Variants in ZNF814 observed in about 807,000 individuals in gnomAD.
ZNF814 encodes the protein zinc finger protein 814.
Under a neutral mutation model 7.5 loss-of-function variants are expected in ZNF814, and 5 were observed. That is an observed-to-expected ratio of 0.67 (90% CI 0.35 to 1.40). ZNF814 has a LOEUF of 1.40. ZNF814 is among the 40% of genes most tolerant of loss of function. ZNF814 has a pLI of 0.04. For synonymous variants in ZNF814, 315 were observed against 340.7 expected (o/e 0.92, Z 0.83); for missense variants, 962 against 1,018.0 (o/e 0.94, Z 0.75).
chr19:57,877,530 C>T (rs1266041903), intron 1 of ZNF814, among the ~76,000 whole-genome samples: 1 of 152,074 alleles, frequency 6.6e-6, no homozygotes, highest in African/African-American at 2.4e-5. Flanking sequence ...GCAACCTCCA[C>T]CTCCTGGGTT....
chr19:57,892,683 G>A (rs1359074853), upstream of ZNF814, among the ~76,000 whole-genome samples: 2 of 152,204 alleles, frequency 1.3e-5, no homozygotes, highest in Non-Finnish European at 2.9e-5. Context: ...GGGACTGCTG[G>A]AAAAGATCCC....
At chr19:57,889,479 C>A (rs1330583998), upstream of ZNF814, among the ~76,000 whole-genome samples, 1 of 152,168 alleles carries the variant, frequency 6.6e-6, no homozygotes, top group Non-Finnish European at 1.5e-5. Flanking sequence ...GAGGGAGAAT[C>A]GCTTGAGCTC....
At chr19:57,884,004 G>A (rs1241668099) in intron 1 of ZNF814, among the ~76,000 whole-genome samples, 4 of 152,104 alleles carry the variant, frequency 2.6e-5, no homozygotes, top group East Asian at 3.9e-4. Context: ...TGATCTGCCC[G>A]CCTTGGCCTC....
Position 57,883,005 on chromosome 19 carries a change from C to G in ZNF814, c.36+5762G>C, listed in dbSNP as rs1256153687. Among the ~76,000 whole-genome samples the G allele has an allele frequency of 5.9e-5, 9 of 152,266 alleles. No individual in the cohort carries two copies. In the East Asian group the frequency reaches 1.7e-3, roughly 29 times the overall value. The stretch of plus-strand genomic sequence containing the variant: ...AGCTATTTTGAGGAATTTCTCAAGA[C>G]AAACACGGAGAAAGAATTCAGAATT... On this transcript the variant is annotated intron_variant, in intron 1 of 2. Transcript: ENST00000435989.
the ZNF814 span, among the ~76,000 whole-genome samples, chr19:57,898,010 G>C: frequency 0.051 from 7,837 of 152,260 alleles, 284 homozygotes; most frequent in Middle Eastern, 0.075. Context: ...TTGAATGTCT[G>C]ATAAGAGACC....
chr19:57,900,899 G>A, the ZNF814 span, among the ~76,000 whole-genome samples: 1 of 119,586 alleles, frequency 8.4e-6, no homozygotes, highest in Admixed American at 1.1e-4. Context: ...CCAGGCTGGA[G>A]TGCAGTGACC....
Position 57,880,613 on chromosome 19 carries a change from C to CTT in ZNF814, c.37-3573_37-3572dup, listed in dbSNP as rs796462177. On this transcript the variant is annotated intron_variant, in intron 1 of 2. Transcript: ENST00000435989. ...CCTTAACAGAACACCTTTTTTTTTTCTTTTTTTTTTTAAGAGAGAGTCTCG... is the reference window on the plus strand; with the variant it reads ...CCTTAACAGAACACCTTTTTTTTTTCTTTTTTTTTTTTTAAGAGAGAGTCTCG... Among the ~76,000 whole-genome samples the CTT allele has an allele frequency of 1.9e-3, 158 of 84,742 alleles. 10 individuals carry two copies. Among genetic ancestry groups the CTT allele is most frequent in the African/African-American group, 9.9e-3 (139 of 13,990 alleles). 55.6% of individuals were successfully genotyped at this position (84,742 alleles called of 152,430 possible). A position where few individuals can be genotyped will look rare whatever the true frequency, so the allele number is the denominator to read the frequency against.
the ZNF814 span, among the ~76,000 whole-genome samples, chr19:57,905,047 C>CAAAAA: frequency 1.1e-4 from 6 of 53,404 alleles, no homozygotes; most frequent in Admixed American, 2.3e-4. Context: ...AACTCCGTCT[C>CAAAAA]AAAAAAAAAA....
rs2071612302 is a variant in ZNF814, at chr19:57,877,016, A to G, written c.63T>C (p.Ala21=). The change falls in exon 2 of 3, where the codon GCT becomes GCC. Residue 21 remains alanine (A), a synonymous_variant. Coordinates refer to ENST00000435989, the MANE Select transcript of ZNF814 (RefSeq NM_001144989.2). ...TCCATTCCTCCCAGGTAAAGTTCAC[A>G]GCCACATCTTCAAAAGTCACTGTGC... ...AQGTVTFEDV[A]VNFTWEEWNL... The G allele has an allele frequency of 6.2e-7, 1 of 1,614,032 alleles. No individual in the cohort carries two copies. Among genetic ancestry groups the G allele is most frequent in the Non-Finnish European group, 8.5e-7 (1 of 1,180,010 alleles).
chr19:57,883,403 C>T (rs1206859426), intron 1 of ZNF814, among the ~76,000 whole-genome samples: 1 of 150,836 alleles, frequency 6.6e-6, no homozygotes, highest in Admixed American at 6.6e-5. Flanking sequence ...TGGCTCATGC[C>T]TGTAATCCCA....
intron 1 of ZNF814, among the ~76,000 whole-genome samples, chr19:57,886,460 C>A (rs1158971125): frequency 6.6e-6 from 1 of 152,086 alleles, no homozygotes; most frequent in Non-Finnish European, 1.5e-5. Context: ...CCTTTAAAAT[C>A]CAGATTTTGA....
chr19:57,873,552 A>G lies in ZNF814; in HGVS notation c.1838T>C (p.Phe613Ser). The G allele has an allele frequency of 6.2e-7, 1 of 1,614,088 alleles. No homozygotes were observed. Among genetic ancestry groups the G allele is most frequent in the East Asian group, 2.2e-5 (1 of 44,866 alleles). Residue 613 changes from phenylalanine to serine, a missense_variant, in exon 3 of 3, where the codon TTT (phenylalanine) becomes TCT (serine). Coordinates refer to ENST00000435989, the MANE Select transcript of ZNF814 (RefSeq NM_001144989.2). ...PYECGECGKSFSHKRSLVHHQ... is the reference protein window; with the variant it reads ...PYECGECGKSSSHKRSLVHHQ... ...GTGAACAAGGCTGCGCTTATGACTA[A>G]AAGATTTCCCACATTCTCCACACTC...
chr19:57,894,829 G>A, the ZNF814 span, among the ~76,000 whole-genome samples: 5 of 148,072 alleles, frequency 3.4e-5, no homozygotes, highest in South Asian at 4.3e-4. Context: ...GCGAGACTCC[G>A]TCTCAGAAAA....
At chr19:57,883,296 C>A (rs1237874367) in intron 1 of ZNF814, among the ~76,000 whole-genome samples, 1 of 149,826 alleles carries the variant, frequency 6.7e-6, no homozygotes, top group Non-Finnish European at 1.5e-5. Flanking sequence ...GGGGGCAGAG[C>A]CTACAGTGAG....
At chr19:57,880,419 C>G (rs897318550) in intron 1 of ZNF814, among the ~76,000 whole-genome samples, 1 of 150,274 alleles carries the variant, frequency 6.7e-6, no homozygotes, top group African/African-American at 2.5e-5. Context: ...CAAGGCTGAC[C>G]TTCTAAGTGT....
In ZNF814 at chr19:57,872,912, CT is replaced by C. The variant is rs1410367780; in HGVS notation, c.2477del (p.Lys826SerfsTer87). The C allele has an allele frequency of 3.1e-6, 5 of 1,612,746 alleles. No homozygotes were observed. The highest frequency in any genetic ancestry group is 1.3e-5 in the African/African-American group (1 of 74,676). On this transcript the variant is annotated frameshift_variant, in exon 3 of 3. Coordinates refer to ENST00000435989, the MANE Select transcript of ZNF814 (RefSeq NM_001144989.2). LOFTEE classifies it low-confidence loss of function (END_TRUNC). The stretch of plus-strand genomic sequence containing the variant: ...TCCCACATTTCTCACATTTATAAGG[CT>C]TTTCTCCAGTGTGAACTCTCTTGTG... ...TKHKRVHTGE[K>X]PYKCEKCGKL...
rs2071560428 is a variant in ZNF814 at position 57,872,003 on chromosome 19, G to A, written c.*819C>T. On this transcript the variant is annotated 3_prime_UTR_variant, in exon 3 of 3. Coordinates refer to ENST00000435989, the MANE Select transcript of ZNF814 (RefSeq NM_001144989.2). ...GCATGCCTGTGGTTTCAGCTACTCA[G>A]GAGGCCGAGGCAACAGAATCACTTA... Among the ~76,000 whole-genome samples the A allele has an allele frequency of 6.6e-6, 1 of 152,034 alleles. No individual in the cohort carries two copies. The highest frequency in any genetic ancestry group is 2.4e-5 in the African/African-American group (1 of 41,398).
upstream of ZNF814, among the ~76,000 whole-genome samples, chr19:57,893,334 T>C (rs1419555696): frequency 6.6e-6 from 1 of 151,878 alleles, no homozygotes; most frequent in Non-Finnish European, 1.5e-5. Context: ...CCACCATGCC[T>C]AGTTAATTTT....
At chr19:57,889,128 C>A (rs1332874354), upstream of ZNF814, 17 of 431,156 alleles carry the variant, frequency 3.9e-5, 1 homozygote, top group Admixed American at 5.4e-4. Flanking sequence ...GTCTTCTACG[C>A]TATCATTCGA....
Sources: gnomAD v4.1 joint callset for allele counts (sites outside exome capture counted in the v4.1 genomes callset) on GRCh38, gnomAD v4.1.1 for gene constraint, MANE v1.5 for transcripts, NCBI Gene and HGNC (gene_info 2026-07-23, HGNC 2026-07-21) for gene names.